The following OR4N5 variants were observed in gnomAD, a reference collection of about 807,000 sequenced individuals.
OR4N5 encodes the protein olfactory receptor family 4 subfamily N member 5, also known as olfactory receptor 4N5.
For synonymous variants in OR4N5, 155 were observed against 140.6 expected (o/e 1.10, Z -0.72); for missense variants, 428 against 370.0 (o/e 1.16, Z -1.29).
intron 2 of OR4N5, among the ~76,000 whole-genome samples, chr14:20,143,262 T>C (rs751356471): frequency 6.6e-6 from 1 of 152,152 alleles, no homozygotes; most frequent in Non-Finnish European, 1.5e-5. Flanking sequence ...AAGAATTCCA[T>C]AGGAACTGGT....
At chr14:20,141,375 G>T (rs143815330) in intron 2 of OR4N5, among the ~76,000 whole-genome samples, 164 bp downstream of exon 2, 19 of 152,124 alleles carry the variant, frequency 1.2e-4, no homozygotes, top group Non-Finnish European at 2.5e-4. Context: ...TTCCTATTTC[G>T]GTTTTCTTAG....
Position 20,144,219 on chromosome 14 carries a change from C to T in OR4N5, c.484C>T (p.Leu162Phe), listed in dbSNP as rs762579990. Residue 162 changes from leucine (L) to phenylalanine (F), a missense_variant, in exon 3 of 3, where the codon CTT becomes TTT. By Grantham distance (22) the Leu-to-Phe change is conservative. Coordinates refer to ENST00000641086, the MANE Select transcript of OR4N5 (RefSeq NM_001004724.2). ...GFIHSIVQVALILHLPFCGPN... is the reference protein window; with the variant it reads ...GFIHSIVQVAFILHLPFCGPN... ...TATCCATTCCATTGTACAAGTAGCC[C>T]TTATCCTGCACTTGCCTTTCTGTGG... is the stretch of plus-strand genomic sequence containing the variant. 8.6e-5 allele frequency: 139 copies of T among 1,613,922 alleles called. No homozygotes were observed. The Middle Eastern group carries it at 9.9e-4, about 11-fold the overall frequency.
chr14:20,142,116 T>C (rs1878627192), intron 2 of OR4N5, among the ~76,000 whole-genome samples: 1 of 152,128 alleles, frequency 6.6e-6, no homozygotes, highest in Non-Finnish European at 1.5e-5. Flanking sequence ...TAAAATACAA[T>C]CACAAATATA....
intron 1 of OR4N5, among the ~76,000 whole-genome samples, chr14:20,140,500 T>C (rs1237137413): frequency 6.6e-6 from 1 of 152,118 alleles, no homozygotes; most frequent in African/African-American, 2.4e-5. Flanking sequence ...GCTGCTAGGA[T>C]GTTGATCAGG....
intron 2 of OR4N5, among the ~76,000 whole-genome samples, chr14:20,142,305 A>T (rs1218953119): frequency 1.3e-5 from 2 of 151,918 alleles, no homozygotes; most frequent in African/African-American, 4.8e-5. Context: ...TTGTTTTTGT[A>T]TTTTTAGTAG....
rs1189010658 is a variant in OR4N5, at chr14:20,138,875, T to C, written c.-396T>C. 1 of 152,036 alleles carries C rather than the reference T, an allele frequency of 6.6e-6. No individual in the cohort carries two copies. The highest frequency in any genetic ancestry group is 2.4e-5 in the African/African-American group (1 of 41,426). 9.4% of individuals were successfully genotyped at this position (152,036 alleles called of 1,614,324 possible). Reference sequence around the variant, plus strand: ...AATAGCCACTTGTTTGAGAGTAGCATTTGGCTCCCGGCAAGGTAAAATTTT... The same window carrying C: ...AATAGCCACTTGTTTGAGAGTAGCACTTGGCTCCCGGCAAGGTAAAATTTT... On this transcript the variant is annotated 5_prime_UTR_variant, in exon 1 of 3. Coordinates refer to ENST00000641086, the MANE Select transcript of OR4N5 (RefSeq NM_001004724.2).
At position 20,142,650 on chromosome 14, in the gene OR4N5, G is replaced by T. The variant is rs904474191; in HGVS notation, c.-11-1075G>T. Among the ~76,000 whole-genome samples, 11 of 152,110 alleles carry T rather than the reference G, an allele frequency of 7.2e-5. No homozygotes were observed. The East Asian group carries it at 2.1e-3, about 29-fold the overall frequency. On this transcript the variant is annotated intron_variant, in intron 2 of 2. Transcript: ENST00000641086. ...GACATGCAGCATCATATTTACTTAA[G>T]TGCCTAAATAAAATATTGCCAATTG... is the stretch of plus-strand genomic sequence containing the variant.
chr14:20,144,347 C>T lies in OR4N5; in HGVS notation c.612C>T (p.Gly204=). 2.5e-6 allele frequency: 4 copies of T among 1,613,994 alleles called. No individual in the cohort carries two copies. Among genetic ancestry groups the T allele is most frequent in the Non-Finnish European group, 3.4e-6 (4 of 1,179,980 alleles). The change falls in exon 3 of 3, where the codon GGC becomes GGT. Residue 204 remains glycine, a synonymous_variant. Transcript: ENST00000641086. ...AGCTTCTGATGGTCTCCAACAGTGG[C>T]CTGCTCAGCCTCCTGTGCTTCCTGG... ...VVELLMVSNS[G]LLSLLCFLGL...
chr14:20,144,035 G>A lies in OR4N5; in HGVS notation c.300G>A (p.Gln100=). Residue 100 remains glutamine, a synonymous_variant, in exon 3 of 3, where the codon CAG becomes CAA. Transcript: ENST00000641086. ...TCTCCTATAGAAGCTGCATCACTCA[G>A]CTCTTTTTCTTGCATTTTCTTGGAG... is the stretch of plus-strand genomic sequence containing the variant. ...KVISYRSCIT[Q]LFFLHFLGAG... 6.2e-7 allele frequency: 1 copy of A among 1,614,114 alleles called. No homozygotes were observed. The highest frequency in any genetic ancestry group is 8.5e-7 in the Non-Finnish European group (1 of 1,179,998).
intron 2 of OR4N5, among the ~76,000 whole-genome samples, chr14:20,142,159 TC>T (rs1878629075): frequency 6.6e-6 from 1 of 152,002 alleles, no homozygotes; most frequent in African/African-American, 2.4e-5. Context: ...GGAGTCTCGC[TC>T]TGTTGCCCAG....
chr14:20,142,620 A>T (rs1878640504), intron 2 of OR4N5, among the ~76,000 whole-genome samples: 1 of 152,188 alleles, frequency 6.6e-6, no homozygotes, highest in Non-Finnish European at 1.5e-5. Flanking sequence ...AAGGGGGAAT[A>T]TTTAGACATG....
chr14:20,144,023 C>A lies in OR4N5; in HGVS notation c.288C>A (p.Ser96Arg), dbSNP rs369689585. 51 of 1,613,980 alleles carry A rather than the reference C, an allele frequency of 3.2e-5. No homozygotes were observed. Among genetic ancestry groups the A allele is most frequent in the Non-Finnish European group, 4.2e-5 (50 of 1,180,002 alleles). Residue 96 changes from serine (S) to arginine (R), a missense_variant, in exon 3 of 3, where the codon AGC becomes AGA. Ser to Arg is a moderately radical substitution (Grantham distance 110). Coordinates refer to ENST00000641086, the MANE Select transcript of OR4N5 (RefSeq NM_001004724.2). ...AGAAGAAGGTAATCTCCTATAGAAGCTGCATCACTCAGCTCTTTTTCTTGC... is the reference window on the plus strand; with the variant it reads ...AGAAGAAGGTAATCTCCTATAGAAGATGCATCACTCAGCTCTTTTTCTTGC... ...LSEKKVISYR[S>R]CITQLFFLHF...
intron 1 of OR4N5, among the ~76,000 whole-genome samples, chr14:20,140,075 T>C (rs1241121260): frequency 2.0e-5 from 3 of 152,154 alleles, no homozygotes; most frequent in Non-Finnish European, 2.9e-5. Flanking sequence ...GAAAAAGTCA[T>C]TGGAATGAAA....
intron 1 of OR4N5, 140 bp from the exon 2 acceptor site, chr14:20,140,703 T>C (rs1878598957): frequency 3.3e-5 from 5 of 152,206 alleles, no homozygotes; most frequent in Admixed American, 3.3e-4. Context: ...TGTGTGTATA[T>C]CTTTCTATCT....
At chr14:20,143,068 T>A (rs568122832) in intron 2 of OR4N5, among the ~76,000 whole-genome samples, 1 of 152,264 alleles carries the variant, frequency 6.6e-6, no homozygotes, top group East Asian at 1.9e-4. Context: ...AGATTCAGAG[T>A]GGTACTCAGC....
At position 20,143,983 on chromosome 14, in the gene OR4N5, T is replaced by C. The variant is rs1434424768; in HGVS notation, c.248T>C (p.Val83Ala). The change falls in exon 3 of 3, where the codon GTG becomes GCG. Residue 83 changes from valine to alanine, a missense_variant. Transcript: ENST00000641086. ...TTCATTGTGGTTCCCAGGATGTTGG[T>C]GGACTTCCTCTCTGAGAAGAAGGTA... is the stretch of plus-strand genomic sequence containing the variant. ...YSFIVVPRML[V>A]DFLSEKKVIS... 2.5e-6 allele frequency: 4 copies of C among 1,614,116 alleles called. No homozygotes were observed. The highest frequency in any genetic ancestry group is 3.4e-6 in the Non-Finnish European group (4 of 1,179,964).
chr14:20,139,818 G>T (rs1878581509), intron 1 of OR4N5, among the ~76,000 whole-genome samples: 1 of 152,060 alleles, frequency 6.6e-6, no homozygotes, highest in Non-Finnish European at 1.5e-5. Context: ...TAAATAACTT[G>T]CCTAAGCTTC....
chr14:20,141,936 T>C (rs1351106997), intron 2 of OR4N5, among the ~76,000 whole-genome samples: 1 of 152,170 alleles, frequency 6.6e-6, no homozygotes, highest in African/African-American at 2.4e-5. Flanking sequence ...AAATATTGTA[T>C]GTAGTCAAAA....
chr14:20,142,762 A>G (rs543382012), intron 2 of OR4N5, among the ~76,000 whole-genome samples: 2 of 152,274 alleles, frequency 1.3e-5, no homozygotes, highest in Admixed American at 6.5e-5. Flanking sequence ...AGAAAAGAAA[A>G]CTCATTGCAA....
Sources: allele counts gnomAD v4.1 joint callset (sites outside exome capture counted in the v4.1 genomes callset), GRCh38; gene constraint gnomAD v4.1.1; transcripts MANE v1.5; gene names NCBI Gene and HGNC (gene_info 2026-07-23, HGNC 2026-07-21).